The following ITPR1 variants were observed in gnomAD, a reference collection of about 807,000 sequenced individuals.
The protein encoded by ITPR1 is inositol 1,4,5-trisphosphate-gated calcium channel ITPR1.
In ITPR1, 96 loss-of-function variants were observed where a neutral mutation model predicts 318.4. That is an observed-to-expected ratio of 0.30 (90% CI 0.26 to 0.36). ITPR1 has a LOEUF of 0.36. Among genes scored for constraint, ITPR1 ranks in the 10% least tolerant of loss-of-function variants. ITPR1 has a pLI of 1.00. For synonymous variants in ITPR1, 1,312 were observed against 1,289.9 expected (o/e 1.02, Z -0.37); for missense variants, 2,440 against 3,460.2 (o/e 0.71, Z 7.40).
chr3:4,719,767 G>A (rs984729829), intron 40 of ITPR1, among the ~76,000 whole-genome samples: 7 of 151,354 alleles, frequency 4.6e-5, no homozygotes, highest in African/African-American at 9.7e-5. Flanking sequence ...CAAGAAAAGC[G>A]CATGGTATGG....
chr3:4,685,147 C>G lies in ITPR1; in HGVS notation c.3643C>G (p.Leu1215Val). ...GAGCAGGAAGCAGCAACAGCGTCTGCTCCGGAACATGGGCGCGCACGCCGT... is the reference window on the plus strand; with the variant it reads ...GAGCAGGAAGCAGCAACAGCGTCTGGTCCGGAACATGGGCGCGCACGCCGT... The part of the protein sequence containing the change: ...RKSRKQQQRL[L>V]RNMGAHAVVL... The change falls in exon 30 of 62, where the codon CTC becomes GTC. Residue 1215 changes from leucine (L) to valine (V), a missense_variant. Leu to Val is a conservative substitution (Grantham distance 32, BLOSUM62 1). Transcript: ENST00000649015. 6.2e-7 allele frequency: 1 copy of G among 1,610,058 alleles called. No individual in the cohort carries two copies. The highest frequency in any genetic ancestry group is 8.5e-7 in the Non-Finnish European group (1 of 1,178,992).
intron 60 of ITPR1, among the ~76,000 whole-genome samples, chr3:4,835,381 T>C (rs757013821): frequency 6.6e-6 from 1 of 152,190 alleles, no homozygotes; most frequent in Non-Finnish European, 1.5e-5. Flanking sequence ...CATTTGTAAA[T>C]AAAGTTTTAT....
chr3:4,635,870 G>GT (rs1211473633), intron 5 of ITPR1, among the ~76,000 whole-genome samples: 4 of 150,530 alleles, frequency 2.7e-5, no homozygotes, highest in African/African-American at 4.9e-5. Context: ...GGGTTTGTTT[G>GT]TTTTTTTGTT....
chr3:4,841,926 G>C (rs2051374219), intron 61 of ITPR1, among the ~76,000 whole-genome samples: 1 of 152,182 alleles, frequency 6.6e-6, no homozygotes, highest in African/African-American at 2.4e-5. Flanking sequence ...GAACATGACT[G>C]ATTTTATAGG....
chr3:4,566,942 A>G (rs774735717), intron 4 of ITPR1, among the ~76,000 whole-genome samples: 84 of 152,264 alleles, frequency 5.5e-4, no homozygotes, highest in Non-Finnish European at 5.9e-5. Flanking sequence ...TCTTTCTCCT[A>G]GCTGTGTATC....
At chr3:4,709,129 G>C (rs1352592648) in intron 37 of ITPR1, among the ~76,000 whole-genome samples, 3 of 152,196 alleles carry the variant, frequency 2.0e-5, no homozygotes, top group African/African-American at 7.2e-5. Context: ...TTGACTGGGT[G>C]CTTCCAAAAG....
chr3:4,545,419 T>C (rs1259205525), intron 4 of ITPR1, among the ~76,000 whole-genome samples: 1 of 152,020 alleles, frequency 6.6e-6, no homozygotes, highest in African/African-American at 2.4e-5. Context: ...GCCCAGGAGT[T>C]TGAGACCAGT....
chr3:4,663,931 C>G (rs1479867454), intron 16 of ITPR1, among the ~76,000 whole-genome samples: 1 of 152,176 alleles, frequency 6.6e-6, no homozygotes, highest in East Asian at 1.9e-4. Context: ...GGGCAAATTT[C>G]ACTTAGTGAT....
intron 4 of ITPR1, among the ~76,000 whole-genome samples, chr3:4,552,190 A>G (rs2085639075): frequency 6.6e-6 from 1 of 152,242 alleles, no homozygotes; most frequent in Non-Finnish European, 1.5e-5. Context: ...AATTCTCCCC[A>G]TCACCAAGCA....
At chr3:4,516,737 G>C (rs922741219) in intron 3 of ITPR1, among the ~76,000 whole-genome samples, 154 bp downstream of exon 3, 2 of 152,230 alleles carry the variant, frequency 1.3e-5, no homozygotes, top group African/African-American at 2.4e-5. Flanking sequence ...TGTTAGCCAA[G>C]TTTAACCTCT....
intron 51 of ITPR1, among the ~76,000 whole-genome samples, chr3:4,785,545 A>C (rs1049850148): frequency 1.4e-5 from 2 of 141,594 alleles, no homozygotes; most frequent in Non-Finnish European, 3.1e-5. Flanking sequence ...TGATTAGCCA[A>C]CCATGCCAGT....
At chr3:4,788,918 T>C (rs962210832) in intron 52 of ITPR1, among the ~76,000 whole-genome samples, 1 of 152,204 alleles carries the variant, frequency 6.6e-6, no homozygotes, top group African/African-American at 2.4e-5. Context: ...GGGGTAGACC[T>C]GGGGTGGAGA....
At chr3:4,841,707 A>G (rs1489122883) in intron 61 of ITPR1, among the ~76,000 whole-genome samples, 1 of 152,236 alleles carries the variant, frequency 6.6e-6, no homozygotes, top group Non-Finnish European at 1.5e-5. Flanking sequence ...GATTAGAGTA[A>G]TTACCACAGA....
At chr3:4,665,336 C>T (rs1361840059) in intron 17 of ITPR1, 40 bp downstream of exon 17, 1 of 1,567,492 alleles carries the variant, frequency 6.4e-7, no homozygotes, top group East Asian at 2.3e-5. Context: ...TGTCAGTTTC[C>T]TCCCTGAAGT....
In ITPR1 at chr3:4,634,945, G is replaced by A. The variant is rs117915927; in HGVS notation, c.280-4439G>A. Among the ~76,000 whole-genome samples, 901 of 152,316 alleles carry A rather than the reference G, an allele frequency of 5.9e-3. 37 individuals carry two copies. In the East Asian group the frequency reaches 0.12, roughly 20 times the overall value. ...TTTAGTAGAAACGGGGTTTGGCCAT[G>A]TTGGCCAGGCTGGTGTTGAACCCCT... On this transcript the variant is annotated intron_variant, in intron 5 of 61. Transcript: ENST00000649015.
At chr3:4,839,921 T>TA (rs1326457339) in intron 61 of ITPR1, among the ~76,000 whole-genome samples, 2 of 152,012 alleles carry the variant, frequency 1.3e-5, no homozygotes, top group Non-Finnish European at 2.9e-5. Context: ...TATTATAAGT[T>TA]AAAAAGAAGC....
chr3:4,814,761 AG>A lies in ITPR1; in HGVS notation c.7701+202del, dbSNP rs1469706298. The A allele has an allele frequency of 1.6e-5, 10 of 627,444 alleles. No individual in the cohort carries two copies. The East Asian group carries it at 2.7e-4, about 17-fold the overall frequency. 38.9% of individuals were successfully genotyped at this position (627,444 alleles called of 1,614,324 possible). A position where few individuals can be genotyped will look rare whatever the true frequency, so the allele number is the denominator to read the frequency against. On this transcript the variant is annotated intron_variant, in intron 58 of 61. Coordinates refer to ENST00000649015, the MANE Select transcript of ITPR1 (RefSeq NM_001378452.1). ...GTGCCGCAAAGTCAGCTGCGTGGAA[AG>A]GGTTGGCTTTGGCTCTCTGTTCAGT...
At chr3:4,533,415 C>G (rs2124956598) in intron 4 of ITPR1, among the ~76,000 whole-genome samples, 1 of 152,194 alleles carries the variant, frequency 6.6e-6, no homozygotes, top group South Asian at 2.1e-4. Context: ...CTGTCTATGC[C>G]TTAGTTTCCC....
chr3:4,540,341 T>C (rs1230222927), intron 4 of ITPR1, among the ~76,000 whole-genome samples: 2 of 152,352 alleles, frequency 1.3e-5, no homozygotes, highest in East Asian at 3.9e-4. Flanking sequence ...TGTTTAAATA[T>C]ACATTTTATT....
Sources: allele counts gnomAD v4.1 joint callset (sites outside exome capture counted in the v4.1 genomes callset), GRCh38; gene constraint gnomAD v4.1.1; transcripts MANE v1.5; gene names NCBI Gene and HGNC (gene_info 2026-07-23, HGNC 2026-07-21).